The following ANO1 variants were observed in gnomAD, a reference collection of about 807,000 sequenced individuals.
The protein encoded by ANO1 is anoctamin 1.
A neutral mutation model predicts 124.0 loss-of-function variants in ANO1; 59 were observed. The ratio of observed to expected loss-of-function variants is 0.48; its 90% CI spans 0.39 to 0.59. The LOEUF is 0.59. Ranked by LOEUF, ANO1 falls within the 20% of genes least tolerant of loss-of-function variation. The probability of loss-of-function intolerance (pLI) is 0.00; values close to 1 mark genes in which losing one functional copy is unlikely to be tolerated. For missense variants in ANO1, 1,059 were observed against 1,328.0 expected, an observed-to-expected ratio of 0.80 and a Z score of 3.15; for synonymous variants, 529 against 532.0, an observed-to-expected ratio of 0.99 and a Z score of 0.08.
intron 11 of ANO1, among the ~76,000 whole-genome samples, chr11:70,134,773 G>A (rs1024284638): frequency 6.6e-6 from 1 of 152,168 alleles, no homozygotes; most frequent in Admixed American, 6.6e-5. Flanking sequence ...GGCCCCAGGG[G>A]AACCAAGGGA....
intron 1 of ANO1, chr11:70,064,544 T>C (rs60469709): frequency 0.094 from 14,265 of 152,248 alleles, 1,101 homozygotes; most frequent in African/African-American, 0.21. Context: ...CTGGCCTCCC[T>C]GTTTGGGGCA....
chr11:70,070,357 C>G (rs559858120), intron 1 of ANO1, among the ~76,000 whole-genome samples: 5 of 152,202 alleles, frequency 3.3e-5, no homozygotes, highest in African/African-American at 1.2e-4. Flanking sequence ...AATACAAAGT[C>G]AGGAAGGGAT....
At chr11:70,129,473 C>G (rs2135512403) in intron 10 of ANO1, 1 of 152,318 alleles carries the variant, frequency 6.6e-6, no homozygotes, top group South Asian at 2.1e-4. Flanking sequence ...CAGGTTCTCC[C>G]AACGGCTGTG....
chr11:70,012,408 A>T (rs886333887), intron 1 of ANO1, among the ~76,000 whole-genome samples: 1 of 151,054 alleles, frequency 6.6e-6, no homozygotes, highest in South Asian at 2.1e-4. Context: ...CCATTCATCC[A>T]TCCATCCACC....
At chr11:70,107,958 G>C (rs1236394942) in intron 5 of ANO1, among the ~76,000 whole-genome samples, 1 of 152,212 alleles carries the variant, frequency 6.6e-6, no homozygotes, top group Non-Finnish European at 1.5e-5. Context: ...CCAGAGTGGT[G>C]CTGTTCCAAC....
intron 2 of ANO1, among the ~76,000 whole-genome samples, chr11:70,095,283 G>GGAAGGAAA (rs1555017314): frequency 6.0e-5 from 5 of 84,016 alleles, no homozygotes; most frequent in African/African-American, 2.3e-4. Context: ...AAGGAAGGAA[G>GGAAGGAAA]GAAGGAAGGA....
chr11:70,153,129 G>C lies in ANO1; in HGVS notation c.1425+1G>C. On this transcript the variant is annotated splice_donor_variant, in intron 14 of 25. Coordinates refer to ENST00000355303, the MANE Select transcript of ANO1 (RefSeq NM_018043.7). LOFTEE classifies it high-confidence loss of function. ...GAAGAAAGAGTCCAGAAACAAAGAG[G>C]TATGGTGGCCACTGTGGGTTAACTT... 1 of 1,602,044 alleles carries C rather than the reference G, an allele frequency of 6.2e-7. No individual in the cohort carries two copies. The highest frequency in any genetic ancestry group is 1.1e-5 in the South Asian group (1 of 88,428).
intron 1 of ANO1, among the ~76,000 whole-genome samples, chr11:69,998,808 C>T (rs781876739): frequency 6.6e-6 from 1 of 152,024 alleles, no homozygotes; most frequent in Non-Finnish European, 1.5e-5. Context: ...ATTGGCTGGG[C>T]GTGGTGTCAG....
In ANO1 at chr11:70,091,825, G is replaced by A. The variant is rs146210329; in HGVS notation, c.441+3741G>A. Among the ~76,000 whole-genome samples, 251 of 152,312 alleles carry A rather than the reference G, an allele frequency of 1.6e-3. 1 individual carries two copies. The highest frequency in any genetic ancestry group is 5.1e-3 in the African/African-American group (210 of 41,562). ...AGTGAGCAACCCCTATGCCCCGTGCGTGCCTCCTCACTGAGTCGGGAGGTT... is the reference window on the plus strand; with the variant it reads ...AGTGAGCAACCCCTATGCCCCGTGCATGCCTCCTCACTGAGTCGGGAGGTT... On this transcript the variant is annotated intron_variant, in intron 2 of 25. Coordinates refer to ENST00000355303, the MANE Select transcript of ANO1 (RefSeq NM_018043.7).
At chr11:69,972,437 G>A in the ANO1 span, among the ~76,000 whole-genome samples, 44 of 152,028 alleles carry the variant, frequency 2.9e-4, no homozygotes, top group Non-Finnish European at 5.6e-4. Context: ...TGAGACAACC[G>A]CCTTGCAGAC....
chr11:70,121,711 A>C (rs12787801), intron 8 of ANO1, among the ~76,000 whole-genome samples: 12 of 49,320 alleles, frequency 2.4e-4, no homozygotes, highest in African/African-American at 4.2e-4. Flanking sequence ...CTGTCTCTCT[A>C]TCTCTGCCTC....
intron 14 of ANO1, among the ~76,000 whole-genome samples, chr11:70,153,491 A>T (rs2047682409): frequency 6.6e-6 from 1 of 152,228 alleles, no homozygotes; most frequent in Non-Finnish European, 1.5e-5. Flanking sequence ...TTGAAGCTTC[A>T]AAGCTTTTTC....
intron 1 of ANO1, among the ~76,000 whole-genome samples, chr11:70,045,334 T>C (rs370119783): frequency 1.3e-5 from 2 of 152,212 alleles, no homozygotes; most frequent in South Asian, 2.1e-4. Flanking sequence ...ACAAGTACTC[T>C]AGAAGCAAAA....
intron 2 of ANO1, among the ~76,000 whole-genome samples, chr11:70,088,611 C>A (rs2044494037): frequency 1.3e-5 from 2 of 152,118 alleles, no homozygotes; most frequent in South Asian, 4.1e-4. Context: ...GTTAGGGAGC[C>A]CTGACCTGCT....
chr11:69,967,375 C>T, the ANO1 span, among the ~76,000 whole-genome samples: 1 of 152,216 alleles, frequency 6.6e-6, no homozygotes, highest in Non-Finnish European at 1.5e-5. Context: ...TGAGCGTAGC[C>T]TTCAGCCATG....
At chr11:70,175,726 T>C (rs1331903353) in intron 22 of ANO1, among the ~76,000 whole-genome samples, 1 of 152,198 alleles carries the variant, frequency 6.6e-6, no homozygotes, top group Non-Finnish European at 1.5e-5. Flanking sequence ...AATACCTCCC[T>C]GTTCTGTTCC....
chr11:70,141,349 T>C (rs2047147356), intron 11 of ANO1, among the ~76,000 whole-genome samples: 1 of 152,166 alleles, frequency 6.6e-6, no homozygotes, highest in Non-Finnish European at 1.5e-5. Flanking sequence ...AGCAGATGGC[T>C]ACATTCCCCC....
intron 1 of ANO1, among the ~76,000 whole-genome samples, chr11:70,005,229 T>A (rs1856465450): frequency 6.6e-6 from 1 of 152,220 alleles, no homozygotes; most frequent in Non-Finnish European, 1.5e-5. Context: ...GTTTATGTTC[T>A]CATTTACTCC....
the ANO1 span, among the ~76,000 whole-genome samples, chr11:69,975,169 C>A: frequency 1.3e-5 from 2 of 152,184 alleles, no homozygotes; most frequent in African/African-American, 4.8e-5. Flanking sequence ...CACAGGTGCA[C>A]CCGACAGGCC....
Sources: gnomAD v4.1 joint callset for allele counts (sites outside exome capture counted in the v4.1 genomes callset) on GRCh38, gnomAD v4.1.1 for gene constraint, MANE v1.5 for transcripts, NCBI Gene and HGNC (gene_info 2026-07-23, HGNC 2026-07-21) for gene names.